MAPK8: variants seen among roughly 807,000 people sequenced by gnomAD.
The protein encoded by MAPK8 is mitogen-activated protein kinase 8.
In MAPK8, 13 loss-of-function variants were observed where a neutral mutation model predicts 52.9. That is an observed-to-expected ratio of 0.25 (90% CI 0.16 to 0.39). The LOEUF (loss-of-function observed/expected upper bound fraction) is 0.39. Among genes scored for constraint, MAPK8 ranks in the 10% least tolerant of loss-of-function variants. The pLI, the probability that MAPK8 is intolerant of heterozygous loss-of-function variation, is 1.00. For synonymous variants in MAPK8, 191 were observed against 169.8 expected, an observed-to-expected ratio of 1.12 and a Z score of -0.97; for missense variants, 300 against 519.2, an observed-to-expected ratio of 0.58 and a Z score of 4.10.
intron 11 of MAPK8, among the ~76,000 whole-genome samples, chr10:48,434,453 T>C (rs1353185576): frequency 6.6e-6 from 1 of 152,352 alleles, no homozygotes; most frequent in African/African-American, 2.4e-5. Context: ...AAAGACTTTT[T>C]TGTAGGGAAG....
chr10:48,411,328 T>C lies in MAPK8; in HGVS notation c.450+1160T>C, dbSNP rs2042734102. Among the ~76,000 whole-genome samples, 3 of 152,218 alleles carry C rather than the reference T, an allele frequency of 2.0e-5. No homozygotes were observed. In the South Asian group the frequency reaches 6.2e-4, roughly 32 times the overall value. On this transcript the variant is annotated intron_variant, in intron 5 of 11. Transcript: ENST00000374189. ...GTAAGGTTCCAACTTCATTCTTTTG[T>C]ATGTGGCAATTTAGTTGTGCCAGCA...
chr10:48,324,376 T>C (rs1310610632), intron 1 of MAPK8, among the ~76,000 whole-genome samples: 2 of 152,208 alleles, frequency 1.3e-5, no homozygotes, highest in Non-Finnish European at 2.9e-5. Context: ...TTCCATCTTA[T>C]TCTGCCCCTC....
At chr10:48,307,453 G>GC in intron 1 of MAPK8, among the ~76,000 whole-genome samples, 1 of 152,164 alleles carries the variant, frequency 6.6e-6, no homozygotes, top group East Asian at 1.9e-4. Flanking sequence ...CTTGGCCCGA[G>GC]CTTCGGTGGT....
At chr10:48,426,527 A>G (rs778246586) in intron 9 of MAPK8, 23 bp downstream of exon 9, 3 of 1,600,772 alleles carry the variant, frequency 1.9e-6, no homozygotes, top group Non-Finnish European at 2.6e-6. Context: ...CTTAATGTTT[A>G]CAGAACATAT....
In MAPK8 at chr10:48,337,395, A is replaced by G. The variant is rs868631665; in HGVS notation, c.-50+30574A>G. ...TAAACAAAATTAAGGCAGAAATACA[A>G]TTTTTTTTGGAACAAATGAAAATAG... is the stretch of plus-strand genomic sequence containing the variant. On this transcript the variant is annotated intron_variant, in intron 1 of 11. Coordinates refer to ENST00000374189, the MANE Select transcript of MAPK8 (RefSeq NM_001323329.2). Among the ~76,000 whole-genome samples, 20 of 151,924 alleles carry G rather than the reference A, an allele frequency of 1.3e-4. No homozygotes were observed. In the Middle Eastern group the frequency reaches 0.014, roughly 103 times the overall value.
intron 7 of MAPK8, among the ~76,000 whole-genome samples, chr10:48,424,990 C>T (rs546874316): frequency 6.6e-6 from 1 of 152,142 alleles, no homozygotes; most frequent in Non-Finnish European, 1.5e-5. Context: ...TGGTTTGTGT[C>T]TTTTGATTGT....
chr10:48,396,205 A>G (rs560136066), intron 1 of MAPK8, among the ~76,000 whole-genome samples: 1 of 152,302 alleles, frequency 6.6e-6, no homozygotes, highest in South Asian at 2.1e-4. Flanking sequence ...CGCATGTCTG[A>G]TAAATGTGTA....
rs1344420852 is a variant in MAPK8, at chr10:48,439,339, A to C, written c.*4310A>C. Reference sequence around the variant, plus strand: ...ATAATATTTTAAATAAAAAAGAAAAAAGTGGTATGAAAATTATGAAATTAA... The same window carrying C: ...ATAATATTTTAAATAAAAAAGAAAACAGTGGTATGAAAATTATGAAATTAA... On this transcript the variant is annotated 3_prime_UTR_variant, in exon 12 of 12. Coordinates refer to ENST00000374189, the MANE Select transcript of MAPK8 (RefSeq NM_001323329.2). The C allele has an allele frequency of 1.3e-5, 2 of 150,834 alleles. No individual in the cohort carries two copies. The highest frequency in any genetic ancestry group is 2.9e-5 in the Non-Finnish European group (2 of 67,870). 9.3% of individuals were successfully genotyped at this position (150,834 alleles called of 1,614,324 possible).
chr10:48,428,778 T>C (rs1194442120), intron 10 of MAPK8, among the ~76,000 whole-genome samples: 1 of 152,210 alleles, frequency 6.6e-6, no homozygotes, highest in Non-Finnish European at 1.5e-5. Flanking sequence ...CAGTAGACGA[T>C]GAAGTATTTT....
chr10:48,400,164 G>A (rs2042087776), intron 1 of MAPK8, among the ~76,000 whole-genome samples: 2 of 152,154 alleles, frequency 1.3e-5, no homozygotes, highest in African/African-American at 2.4e-5. Context: ...CATTACCAAA[G>A]CTCCTTTCTT....
chr10:48,374,910 C>A (rs1283890887), intron 1 of MAPK8, among the ~76,000 whole-genome samples: 2 of 152,114 alleles, frequency 1.3e-5, no homozygotes, highest in African/African-American at 4.8e-5. Context: ...CATCCTGATA[C>A]CAAAACCTGG....
chr10:48,423,959 TA>T, intron 6 of MAPK8, 128 bp from the exon 7 acceptor site: 1 of 544,694 alleles, frequency 1.8e-6, no homozygotes, highest in Non-Finnish European at 3.2e-6. Flanking sequence ...TTCCGTTAGC[TA>T]AAGTTACAAT....
intron 1 of MAPK8, among the ~76,000 whole-genome samples, chr10:48,390,017 G>C (rs2041535955): frequency 6.6e-6 from 1 of 152,160 alleles, no homozygotes. Flanking sequence ...TGTAGCACCA[G>C]TTTGAGTCCA....
At chr10:48,356,607 C>G (rs772371137) in intron 1 of MAPK8, among the ~76,000 whole-genome samples, 1 of 151,794 alleles carries the variant, frequency 6.6e-6, no homozygotes, top group South Asian at 2.1e-4. Context: ...TTCAGGAGGC[C>G]GAGGCAGGTG....
chr10:48,400,792 CTT>C (rs1213215006), intron 1 of MAPK8, among the ~76,000 whole-genome samples: 1 of 152,104 alleles, frequency 6.6e-6, no homozygotes, highest in Non-Finnish European at 1.5e-5. Flanking sequence ...GGAATAGTCT[CTT>C]TTGTCTAGTA....
intron 5 of MAPK8, among the ~76,000 whole-genome samples, chr10:48,411,091 T>C (rs1356159376): frequency 3.9e-5 from 6 of 152,262 alleles, no homozygotes; most frequent in African/African-American, 1.4e-4. Context: ...TTCACTTTGC[T>C]GATGATTTCC....
chr10:48,380,309 C>T (rs1300481122), intron 1 of MAPK8, among the ~76,000 whole-genome samples: 1 of 152,214 alleles, frequency 6.6e-6, no homozygotes, highest in African/African-American at 2.4e-5. Flanking sequence ...TTAGGAATTG[C>T]ATACAATTTT....
intron 1 of MAPK8, among the ~76,000 whole-genome samples, chr10:48,385,859 T>C (rs910973546): frequency 6.6e-5 from 10 of 152,198 alleles, no homozygotes; most frequent in Non-Finnish European, 1.2e-4. Flanking sequence ...ATTTGTAACA[T>C]ACTCTGAAAT....
intron 1 of MAPK8, among the ~76,000 whole-genome samples, 199 bp from the exon 2 acceptor site, chr10:48,401,413 T>A (rs986775223): frequency 2.0e-5 from 3 of 152,090 alleles, no homozygotes; most frequent in Admixed American, 6.6e-5. Flanking sequence ...GTTTCTTTTT[T>A]AAAAAAAACT....
Sources: gnomAD v4.1 joint callset for allele counts (sites outside exome capture counted in the v4.1 genomes callset) on GRCh38, gnomAD v4.1.1 for gene constraint, MANE v1.5 for transcripts, NCBI Gene and HGNC (gene_info 2026-07-23, HGNC 2026-07-21) for gene names.